Variants in ANKDD1B observed in about 807,000 individuals in gnomAD.
ANKDD1B encodes ankyrin repeat and death domain-containing protein 1B.
A neutral mutation model predicts 59.7 loss-of-function variants in ANKDD1B; 57 were observed. That is an observed-to-expected ratio of 0.95 (90% CI 0.77 to 1.19). ANKDD1B has a LOEUF of 1.19. ANKDD1B is among the 50% of genes most tolerant of loss of function. The probability of loss-of-function intolerance (pLI) is 0.00; values close to 1 mark genes in which losing one functional copy is unlikely to be tolerated. For missense variants in ANKDD1B, 602 were observed against 641.9 expected, an observed-to-expected ratio of 0.94 and a Z score of 0.67; for synonymous variants, 216 against 239.5, an observed-to-expected ratio of 0.90 and a Z score of 0.91.
chr5:75,641,157 T>G (rs1033662709), intron 7 of ANKDD1B, among the ~76,000 whole-genome samples: 2 of 152,238 alleles, frequency 1.3e-5, no homozygotes, highest in African/African-American at 4.8e-5. Flanking sequence ...TAAGAACCTT[T>G]GAAACTTTTG....
chr5:75,618,667 C>A (rs1773772197), intron 2 of ANKDD1B, among the ~76,000 whole-genome samples: 1 of 152,088 alleles, frequency 6.6e-6, no homozygotes, highest in African/African-American at 2.4e-5. Flanking sequence ...AATAGTGGAG[C>A]TTATAAGCCC....
At chr5:75,615,176 A>G (rs1219680623) in intron 1 of ANKDD1B, among the ~76,000 whole-genome samples, 1 of 152,186 alleles carries the variant, frequency 6.6e-6, no homozygotes. Flanking sequence ...CTGGACTTGG[A>G]GAACTAGAGC....
In ANKDD1B at chr5:75,623,127, A is replaced by G. The variant is rs550489842; in HGVS notation, c.397-2520A>G. On this transcript the variant is annotated intron_variant, in intron 3 of 13. Transcript: ENST00000601380. ...GAGTTTCACTCTTGTTGCTCAGGCTAGAGTACAACGGCGCAATCTTGGCTT... is the reference window on the plus strand; with the variant it reads ...GAGTTTCACTCTTGTTGCTCAGGCTGGAGTACAACGGCGCAATCTTGGCTT... 5.9e-5 allele frequency among the ~76,000 whole-genome samples: 9 copies of G among 152,138 alleles called. No homozygotes were observed. The South Asian group carries it at 1.9e-3, about 32-fold the overall frequency.
At chr5:75,615,487 C>T (rs1773688707) in intron 1 of ANKDD1B, among the ~76,000 whole-genome samples, 1 of 152,138 alleles carries the variant, frequency 6.6e-6, no homozygotes, top group Admixed American at 6.5e-5. Flanking sequence ...CTGCATGAGT[C>T]TACTCAGGCT....
intron 7 of ANKDD1B, 140 bp downstream of exon 7, chr5:75,636,022 A>G: frequency 1.9e-6 from 1 of 538,054 alleles, no homozygotes; most frequent in Non-Finnish European, 3.3e-6. Flanking sequence ...TTCTTACTTT[A>G]TTCTTCAAAG....
chr5:75,620,484 G>A (rs1773819563), intron 3 of ANKDD1B, 71 bp downstream of exon 3: 1 of 837,100 alleles, frequency 1.2e-6, no homozygotes, highest in Non-Finnish European at 1.8e-6. Flanking sequence ...ATTCCAGTTA[G>A]ACATCTTTTC....
intron 7 of ANKDD1B, among the ~76,000 whole-genome samples, chr5:75,645,173 A>T (rs253400): frequency 0.011 from 1,047 of 91,200 alleles, 10 homozygotes; most frequent in Non-Finnish European, 0.015. Flanking sequence ...ACACCCTAAC[A>T]TCACAATTAA....
At chr5:75,632,123 A>G (rs1384561105) in intron 5 of ANKDD1B, among the ~76,000 whole-genome samples, 2 of 150,752 alleles carry the variant, frequency 1.3e-5, no homozygotes, top group Non-Finnish European at 1.5e-5. Flanking sequence ...AAAAAAAAAA[A>G]GAAGAAAAAG....
At chr5:75,620,472 T>A (rs1046291841) in intron 3 of ANKDD1B, 59 bp downstream of exon 3, 1 of 907,846 alleles carries the variant, frequency 1.1e-6, no homozygotes, top group African/African-American at 1.7e-5. Context: ...GAGAATCTGA[T>A]CATTCCAGTT....
At chr5:75,649,335 A>G (rs1774758325) in intron 7 of ANKDD1B, among the ~76,000 whole-genome samples, 1 of 149,078 alleles carries the variant, frequency 6.7e-6, no homozygotes, top group Non-Finnish European at 1.5e-5. Flanking sequence ...GAGGGAGGTG[A>G]AAAAATGCAA....
intron 2 of ANKDD1B, among the ~76,000 whole-genome samples, chr5:75,617,185 G>A (rs998306789): frequency 5.9e-5 from 9 of 152,118 alleles, no homozygotes; most frequent in African/African-American, 2.2e-4. Context: ...CAGCTGTCAG[G>A]GTTGCAGGCC....
chr5:75,665,098 C>T (rs1775272465), intron 11 of ANKDD1B, among the ~76,000 whole-genome samples: 1 of 152,196 alleles, frequency 6.6e-6, no homozygotes, highest in Admixed American at 6.5e-5. Context: ...TTCAGTGGTT[C>T]AGAGGCAAAT....
chr5:75,648,588 A>G (rs1774725047), intron 7 of ANKDD1B, among the ~76,000 whole-genome samples: 1 of 152,298 alleles, frequency 6.6e-6, no homozygotes. Flanking sequence ...CAGTGGTCTC[A>G]GCTGCTCTAG....
chr5:75,612,231 T>A (rs983565714), intron 1 of ANKDD1B, among the ~76,000 whole-genome samples: 3 of 151,990 alleles, frequency 2.0e-5, no homozygotes, highest in African/African-American at 7.2e-5. Flanking sequence ...ATGGAGTGGA[T>A]CATCTATGCC....
At chr5:75,663,591 A>G (rs956078414) in intron 11 of ANKDD1B, 102 bp downstream of exon 11, 1 of 926,602 alleles carries the variant, frequency 1.1e-6, no homozygotes. Context: ...TCTAATGAGC[A>G]GAGCTCTGGT....
chr5:75,667,028 T>G, intron 12 of ANKDD1B, 35 bp downstream of exon 12: 1 of 1,350,140 alleles, frequency 7.4e-7, no homozygotes, highest in African/African-American at 1.5e-5. Context: ...GCAGGAGGAA[T>G]TCACTGTTAG....
intron 5 of ANKDD1B, 52 bp downstream of exon 5, chr5:75,626,007 C>A: frequency 7.7e-7 from 1 of 1,306,266 alleles, no homozygotes; most frequent in Non-Finnish European, 1.1e-6. Context: ...TCAAATTTCA[C>A]TTTCTTCCTG....
rs368912886 is a variant in ANKDD1B, at chr5:75,621,022, TCTCC to T, written c.396+614_396+617del. Among the ~76,000 whole-genome samples the T allele has an allele frequency of 7.2e-4, 109 of 152,252 alleles. 1 individual carries two copies. The highest frequency in any genetic ancestry group is 2.6e-3 in the African/African-American group (106 of 41,544). Reference sequence around the variant, plus strand: ...GAGGGTAACAAGAGAACATTTGGATTCTCCCTCCACGCTGCTTTATGACCGCAGT... The same window carrying T: ...GAGGGTAACAAGAGAACATTTGGATTCTCCACGCTGCTTTATGACCGCAGT... On this transcript the variant is annotated intron_variant, in intron 3 of 13. Transcript: ENST00000601380.
In ANKDD1B at chr5:75,616,882, A is replaced by T. The variant is rs1372377869; in HGVS notation, c.272A>T (p.Lys91Met). The T allele has an allele frequency of 6.6e-7, 1 of 1,523,832 alleles. No homozygotes were observed. Among genetic ancestry groups the T allele is most frequent in the Non-Finnish European group, 8.8e-7 (1 of 1,135,950 alleles). 94.4% of individuals were successfully genotyped at this position (1,523,832 alleles called of 1,614,324 possible). A position where few individuals can be genotyped will look rare whatever the true frequency, so the allele number is the denominator to read the frequency against. The part of the protein sequence containing the change: ...LDLMEKLFEK[K>M]VNINVVNNMN... Reference sequence around the variant, plus strand: ...CTTATGGAGAAGCTGTTTGAAAAGAAGGTTAACATTAATGTTGTGAACAAT... The same window carrying T: ...CTTATGGAGAAGCTGTTTGAAAAGATGGTTAACATTAATGTTGTGAACAAT... Residue 91 changes from lysine to methionine, a missense_variant, in exon 2 of 14, where the codon AAG (lysine) becomes ATG (methionine). Lys to Met is a moderately conservative substitution (Grantham distance 95, BLOSUM62 -1). This residue lies in a region of ANKDD1B where 317 missense variants were observed against 304.6 expected (regional missense o/e 1.04). Transcript: ENST00000601380.
Sources: allele counts gnomAD v4.1 joint callset (sites outside exome capture counted in the v4.1 genomes callset), GRCh38; gene constraint gnomAD v4.1.1; regional missense constraint gnomAD v4.1.1; transcripts MANE v1.5; gene names NCBI Gene and HGNC (gene_info 2026-07-23, HGNC 2026-07-21).